The following ZFP82 variants were observed in gnomAD, a reference collection of about 807,000 sequenced individuals.
The protein encoded by ZFP82 is zinc finger protein 82 homolog.
Under a neutral mutation model 54.0 loss-of-function variants are expected in ZFP82, and 30 were observed. The ratio of observed to expected loss-of-function variants is 0.56; its 90% CI spans 0.42 to 0.75. The LOEUF (loss-of-function observed/expected upper bound fraction) is 0.75, where lower values mean the gene tolerates loss of function less well. Among genes scored for constraint, ZFP82 ranks in the 30% least tolerant of loss-of-function variants. The pLI, the probability that ZFP82 is intolerant of heterozygous loss-of-function variation, is 0.00. For synonymous variants in ZFP82, 194 were observed against 209.5 expected, an observed-to-expected ratio of 0.93 and a Z score of 0.64; for missense variants, 500 against 636.8, an observed-to-expected ratio of 0.79 and a Z score of 2.31.
Position 36,390,329 on chromosome 19 carries a change from G to GCCTTTTTTTTTTTTTTT in ZFP82, c.*2411_*2412insAAAAAAAAAAAAAAAGG, listed in dbSNP as rs373296227. On this transcript the variant is annotated 3_prime_UTR_variant, in exon 5 of 5. Transcript: ENST00000392161. The stretch of plus-strand genomic sequence containing the variant: ...CTTTAAAGTGTAGGATTCCATTTTT[G>GCCTTTTTTTTTTTTTTT]TCTTTTTTTTTTTTTTTTTTGACAT... 1.6e-4 allele frequency: 19 copies of GCCTTTTTTTTTTTTTTT among 120,376 alleles called. 6 individuals carry two copies. Among genetic ancestry groups the GCCTTTTTTTTTTTTTTT allele is most frequent in the Non-Finnish European group, 2.1e-4 (13 of 60,626 alleles). The allele number at this position is 120,376 out of a possible 1,614,324, so 7.5% of individuals were successfully genotyped here.
At chr19:36,387,577 C>T (rs542641678), downstream of ZFP82, among the ~76,000 whole-genome samples, 3 of 152,200 alleles carry the variant, frequency 2.0e-5, no homozygotes, top group South Asian at 2.1e-4. Flanking sequence ...TTCAGAACTG[C>T]GAGCCAATTT....
At chr19:36,412,541 A>G (rs897357039) in intron 1 of ZFP82, among the ~76,000 whole-genome samples, 2 of 152,234 alleles carry the variant, frequency 1.3e-5, no homozygotes, top group Non-Finnish European at 2.9e-5. Flanking sequence ...TTCTGCCTAT[A>G]TAAACATGGC....
chr19:36,409,557 G>A (rs974959617), intron 2 of ZFP82, among the ~76,000 whole-genome samples: 3 of 152,146 alleles, frequency 2.0e-5, no homozygotes, highest in African/African-American at 2.4e-5. Flanking sequence ...GCAGAAGACT[G>A]AGCACATATA....
At chr19:36,401,680 C>T (rs2145587623) in intron 4 of ZFP82, among the ~76,000 whole-genome samples, 1 of 152,332 alleles carries the variant, frequency 6.6e-6, no homozygotes, top group South Asian at 2.1e-4. Context: ...TTTTAGAATA[C>T]AAGCAGCCCG....
intron 1 of ZFP82, among the ~76,000 whole-genome samples, chr19:36,414,985 C>T (rs1337578531): frequency 2.0e-5 from 3 of 151,950 alleles, no homozygotes; most frequent in Non-Finnish European, 4.4e-5. Flanking sequence ...CCACGCCTGG[C>T]TAATTTTGTA....
chr19:36,398,723 T>G lies in ZFP82; in HGVS notation c.230-4613A>C, dbSNP rs558144146. 2.0e-5 allele frequency among the ~76,000 whole-genome samples: 3 copies of G among 152,254 alleles called. No individual in the cohort carries two copies. In the East Asian group the frequency reaches 5.8e-4, roughly 29 times the overall value. ...TCCCAAGAAACAGCGTCACCCTCTG[T>G]CACCACAGCTGGAGTGCAGTGGTGC... On this transcript the variant is annotated intron_variant, in intron 4 of 4. Transcript: ENST00000392161.
chr19:36,403,929 G>T (rs1336247989), intron 4 of ZFP82, among the ~76,000 whole-genome samples: 1 of 152,068 alleles, frequency 6.6e-6, no homozygotes, highest in Non-Finnish European at 1.5e-5. Context: ...TATGAGAAAA[G>T]TTGGGGGAAA....
At chr19:36,394,485 G>A (rs767366543) in intron 4 of ZFP82, 7 of 174,454 alleles carry the variant, frequency 4.0e-5, no homozygotes, top group South Asian at 1.4e-4. Flanking sequence ...ATGAGAGGTC[G>A]AGAATCTATA....
chr19:36,392,955 C>T lies in ZFP82; in HGVS notation c.1385G>A (p.Arg462His), dbSNP rs373561183. ...CKECGKAFRL[R>H]QKLTLHQSIH... ...GCTCTGATGTAGAGTAAGTTTTTGG[C>T]GCAATCTAAAGGCCTTGCCACATTC... The change falls in exon 5 of 5, where the codon CGC (arginine) becomes CAC (histidine). Residue 462 changes from arginine (R) to histidine (H), a missense_variant. By Grantham distance (29) the Arg-to-His change is conservative. Coordinates refer to ENST00000392161, the MANE Select transcript of ZFP82 (RefSeq NM_133466.4). 37 of 1,613,554 alleles carry T rather than the reference C, an allele frequency of 2.3e-5. No individual in the cohort carries two copies. The highest frequency in any genetic ancestry group is 5.3e-5 in the African/African-American group (4 of 74,850).
At chr19:36,416,074 C>T (rs767400134) in intron 1 of ZFP82, among the ~76,000 whole-genome samples, 5 of 152,208 alleles carry the variant, frequency 3.3e-5, no homozygotes, top group Non-Finnish European at 7.3e-5. Flanking sequence ...GCGATTCATA[C>T]ATGATTAAAG....
intron 1 of ZFP82, among the ~76,000 whole-genome samples, chr19:36,414,003 C>A (rs537037475): frequency 6.6e-6 from 1 of 150,840 alleles, no homozygotes; most frequent in African/African-American, 2.4e-5. Context: ...CGGGTTCAGG[C>A]CAATCGTCTG....
At chr19:36,402,971 T>A (rs1177954215) in intron 4 of ZFP82, among the ~76,000 whole-genome samples, 4 of 150,496 alleles carry the variant, frequency 2.7e-5, no homozygotes, top group African/African-American at 4.9e-5. Flanking sequence ...ACCCCAACTC[T>A]ACCAAAAAAA....
Position 36,393,084 on chromosome 19 carries a change from A to C in ZFP82, c.1256T>G (p.Val419Gly). 3 of 1,601,950 alleles carry C rather than the reference A, an allele frequency of 1.9e-6. No homozygotes were observed. Among genetic ancestry groups the C allele is most frequent in the Non-Finnish European group, 2.6e-6 (3 of 1,176,148 alleles). ...LISHQSIHIG[V>G]KPYDCKECGK... Reference sequence around the variant, plus strand: ...GCATTCCTTACAGTCATAGGGCTTAACACCAATATGAATACTCTGATGTGA... The same window carrying C: ...GCATTCCTTACAGTCATAGGGCTTACCACCAATATGAATACTCTGATGTGA... Residue 419 changes from valine to glycine, a missense_variant, in exon 5 of 5, where the codon GTT becomes GGT. Physicochemically the swap from Val to Gly is moderately radical, Grantham distance 109 (BLOSUM62 -3). Transcript: ENST00000392161.
At chr19:36,417,121 T>TA (rs2032687350) in intron 1 of ZFP82, among the ~76,000 whole-genome samples, 1 of 149,240 alleles carries the variant, frequency 6.7e-6, no homozygotes, top group South Asian at 2.1e-4. Flanking sequence ...TTAGACTATT[T>TA]AAGCATCTGA....
In ZFP82 at chr19:36,394,392, T is replaced by C. The variant is rs1000946742; in HGVS notation, c.230-282A>G. ...ATAGCTTGTTACTAACACTGAGGTT[T>C]AGACACCACCCAAACCACCTGGATC... On this transcript the variant is annotated intron_variant, in intron 4 of 4. Transcript: ENST00000392161. 20 of 349,552 alleles carry C rather than the reference T, an allele frequency of 5.7e-5. No homozygotes were observed. In the Admixed American group the frequency reaches 6.9e-4, roughly 12 times the overall value. The allele number at this position is 349,552 out of a possible 1,614,324, so 21.7% of individuals were successfully genotyped here.
chr19:36,408,596 G>A (rs879872241), intron 2 of ZFP82, among the ~76,000 whole-genome samples: 1 of 152,146 alleles, frequency 6.6e-6, no homozygotes, highest in Non-Finnish European at 1.5e-5. Context: ...GAGGTGGGAG[G>A]ATCACCTGAG....
At chr19:36,387,316 T>G (rs925026712), downstream of ZFP82, among the ~76,000 whole-genome samples, 14 of 152,154 alleles carry the variant, frequency 9.2e-5, no homozygotes, top group African/African-American at 3.4e-4. Flanking sequence ...CCCCCAAGTT[T>G]TAGGGAAAAA....
chr19:36,401,891 A>C (rs894853135), intron 4 of ZFP82, among the ~76,000 whole-genome samples: 7 of 152,250 alleles, frequency 4.6e-5, no homozygotes, highest in Middle Eastern at 3.4e-3. Flanking sequence ...TTGAGCCCTT[A>C]CTTCATGTCT....
At chr19:36,394,141 T>A (rs1387963029) in intron 4 of ZFP82, 31 bp from the exon 5 acceptor site, 1 of 1,561,332 alleles carries the variant, frequency 6.4e-7, no homozygotes, top group East Asian at 2.2e-5. Context: ...AAACACATGC[T>A]GTTTTCTTTT....
Sources: gnomAD v4.1 joint callset for allele counts (sites outside exome capture counted in the v4.1 genomes callset) on GRCh38, gnomAD v4.1.1 for gene constraint, MANE v1.5 for transcripts, NCBI Gene and HGNC (gene_info 2026-07-23, HGNC 2026-07-21) for gene names.